The following OPHN1 variants were observed in gnomAD, a reference collection of about 807,000 sequenced individuals.
OPHN1 encodes the protein oligophrenin 1, also known as oligophrenin-1.
Under a neutral mutation model 60.7 loss-of-function variants are expected in OPHN1, and 11 were observed. The observed-to-expected ratio is 0.18, with a 90% confidence interval of 0.11 to 0.30. The LOEUF (loss-of-function observed/expected upper bound fraction) is 0.30. Ranked by LOEUF, OPHN1 falls within the 10% of genes least tolerant of loss-of-function variation. The pLI is 1.00. For missense variants in OPHN1, 449 were observed against 611.0 expected (o/e 0.73, Z 2.80); for synonymous variants, 226 against 222.6 (o/e 1.02, Z -0.14).
chrX:68,236,007 A>G (rs1028534507), intron 5 of OPHN1, among the ~76,000 whole-genome samples: 4 of 111,460 alleles, frequency 3.6e-5, no homozygotes, highest in African/African-American at 1.3e-4. Flanking sequence ...CTATTATCTC[A>G]TTTAGACTTT....
chrX:68,261,491 G>A (rs753006410), intron 5 of OPHN1, among the ~76,000 whole-genome samples: 30 of 110,848 alleles, frequency 2.7e-4, no homozygotes, highest in Non-Finnish European at 4.9e-4. Context: ...GGGGGGAGGC[G>A]GGGAAGTTGC....
intron 11 of OPHN1, among the ~76,000 whole-genome samples, chrX:68,198,310 C>T (rs111853626): frequency 2.0e-4 from 22 of 111,284 alleles, no homozygotes; most frequent in African/African-American, 6.9e-4. Context: ...GGTGTTGGTG[C>T]TCTCTGGAGG....
intron 6 of OPHN1, among the ~76,000 whole-genome samples, chrX:68,226,202 C>T (rs749566731): frequency 2.7e-5 from 3 of 111,494 alleles, no homozygotes; most frequent in Non-Finnish European, 3.8e-5. Flanking sequence ...AAGAAACGAG[C>T]AAAGCCTCCA....
At chrX:68,217,560 C>T (rs1345698651) in intron 6 of OPHN1, among the ~76,000 whole-genome samples, 1 of 109,374 alleles carries the variant, frequency 9.1e-6, no homozygotes, top group Non-Finnish European at 1.9e-5. Flanking sequence ...CAGTGGTTCT[C>T]CCAGCATGCA....
intron 18 of OPHN1, among the ~76,000 whole-genome samples, chrX:68,102,410 C>G (rs2077063381): frequency 8.9e-6 from 1 of 111,879 alleles, no homozygotes; most frequent in Non-Finnish European, 1.9e-5. Context: ...TAAATGTCCA[C>G]AGGAGAAAGC....
rs184495973 is a variant in OPHN1 at position 68,071,668 on chromosome X, T to G, written c.1834+1484A>C. The G allele has an allele frequency of 2.4e-3, 1,315 of 538,976 alleles. 2 individuals carry two copies. The highest frequency in any genetic ancestry group is 3.8e-3 in the Non-Finnish European group (1,119 of 294,150). The allele number at this position is 538,976 out of a possible 1,213,427, so 44.4% of individuals were successfully genotyped here. On this transcript the variant is annotated intron_variant, in intron 20 of 24. Transcript: ENST00000355520. The stretch of plus-strand genomic sequence containing the variant: ...GCCTTAATCCTCTGGTTGTTTGTTA[T>G]CTGGTTATTCTACACAGGAACATTG...
intron 15 of OPHN1, among the ~76,000 whole-genome samples, chrX:68,120,475 T>A (rs772148880): frequency 3.0e-4 from 34 of 111,744 alleles, no homozygotes; most frequent in Non-Finnish European, 5.6e-4. Flanking sequence ...TATAAAACAC[T>A]GATAAAACAA....
At chrX:68,106,532 G>A (rs980511746) in intron 18 of OPHN1, among the ~76,000 whole-genome samples, 2 of 111,597 alleles carry the variant, frequency 1.8e-5, no homozygotes, top group African/African-American at 6.5e-5. Context: ...CTATAAGAAT[G>A]GCAGAATTAG....
chrX:68,193,563 CA>C (rs1161950936), intron 14 of OPHN1, among the ~76,000 whole-genome samples: 3 of 111,863 alleles, frequency 2.7e-5, no homozygotes, highest in African/African-American at 9.7e-5. Context: ...GGCTCTGCCC[CA>C]TCAATTTTCA....
In OPHN1 at chrX:68,401,960, GCA is replaced by G. The variant is rs758875579; in HGVS notation, c.154+30905_154+30906del. Among the ~76,000 whole-genome samples the G allele has an allele frequency of 3.6e-5, 4 of 111,547 alleles. No individual in the cohort carries two copies. The South Asian group carries it at 1.5e-3, about 42-fold the overall frequency. On this transcript the variant is annotated intron_variant, in intron 2 of 24. Transcript: ENST00000355520. ...TCTGGAAAACCTTGAAGGTCAGGCTGCACACTCTTTTCTTGAGGAAGCCGGCA... is the reference window on the plus strand; with the variant it reads ...TCTGGAAAACCTTGAAGGTCAGGCTGCACTCTTTTCTTGAGGAAGCCGGCA...
At chrX:68,165,124 TC>T (rs2077352044) in intron 15 of OPHN1, among the ~76,000 whole-genome samples, 1 of 111,590 alleles carries the variant, frequency 9.0e-6, no homozygotes, top group South Asian at 3.8e-4. Context: ...ACTCAAACTT[TC>T]CCCATGTCAA....
chrX:68,166,432 G>A (rs1485992654), intron 15 of OPHN1, among the ~76,000 whole-genome samples: 1 of 111,494 alleles, frequency 9.0e-6, no homozygotes, highest in Non-Finnish European at 1.9e-5. Context: ...AACTCGGGAG[G>A]CTGAGGCAGA....
chrX:68,197,120 T>A, intron 12 of OPHN1, 66 bp downstream of exon 12: 1 of 779,441 alleles, frequency 1.3e-6, no homozygotes, highest in Non-Finnish European at 2.0e-6. Context: ...GACCCACTGA[T>A]ACCACTAGAG....
chrX:68,210,003 T>G (rs1309884810), intron 9 of OPHN1, 150 bp downstream of exon 9: 1 of 555,269 alleles, frequency 1.8e-6, no homozygotes, highest in East Asian at 3.7e-5. Context: ...TTTTTTTTTT[T>G]TTGTTTTCAG....
intron 5 of OPHN1, among the ~76,000 whole-genome samples, chrX:68,270,745 T>TA (rs60917313): frequency 0.055 from 6,011 of 109,096 alleles, 206 homozygotes; most frequent in African/African-American, 0.11. Context: ...TAATAATAAT[T>TA]AAAAAAAAAG....
rs748337200 is a variant in OPHN1 at position 68,111,973 on chromosome X, G to A, written c.1421-14C>T. ...GGTTGTCAGACTCTGGGATAGAACAGTAAGAGATAAATGGTTTGGCTTTCT... is the reference window on the plus strand; with the variant it reads ...GGTTGTCAGACTCTGGGATAGAACAATAAGAGATAAATGGTTTGGCTTTCT... On this transcript the variant is annotated splice_polypyrimidine_tract_variant and intron_variant, in intron 17 of 24. Transcript: ENST00000355520. 1 of 1,126,749 alleles carries A rather than the reference G, an allele frequency of 8.9e-7. No homozygotes were observed. Among genetic ancestry groups the A allele is most frequent in the Middle Eastern group, 2.4e-4 (1 of 4,159 alleles). The allele number at this position is 1,126,749 out of a possible 1,213,427, so 92.9% of individuals were successfully genotyped here.
intron 18 of OPHN1, among the ~76,000 whole-genome samples, chrX:68,104,395 T>C: frequency 9.0e-6 from 1 of 111,654 alleles, no homozygotes; most frequent in Middle Eastern, 4.2e-3. Context: ...GGAGGCATCA[T>C]GCTACCTGAC....
intron 2 of OPHN1, among the ~76,000 whole-genome samples, chrX:68,367,215 G>A (rs185950892): frequency 9.1e-6 from 1 of 109,550 alleles, no homozygotes; most frequent in Admixed American, 1.0e-4. Context: ...TTAGCAGGGT[G>A]TGCTGGTGTG....
At chrX:68,376,047 T>C (rs1313228781) in intron 2 of OPHN1, among the ~76,000 whole-genome samples, 1 of 112,084 alleles carries the variant, frequency 8.9e-6, no homozygotes, top group Non-Finnish European at 1.9e-5. Context: ...ATTCAGTTCA[T>C]AAAAGATGTA....
Sources: allele counts gnomAD v4.1 joint callset (sites outside exome capture counted in the v4.1 genomes callset), GRCh38; gene constraint gnomAD v4.1.1; transcripts MANE v1.5; gene names NCBI Gene and HGNC (gene_info 2026-07-23, HGNC 2026-07-21).